ERO1A: variants seen among roughly 807,000 people sequenced by gnomAD.
The protein encoded by ERO1A is ERO1-like protein alpha.
A neutral mutation model predicts 76.9 loss-of-function variants in ERO1A; 49 were observed. The ratio of observed to expected loss-of-function variants is 0.64; its 90% confidence interval spans 0.51 to 0.81. The LOEUF is 0.81. ERO1A is among the 30% of genes least tolerant of loss of function. ERO1A has a pLI of 0.00. For missense variants in ERO1A, 448 were observed against 542.1 expected, an observed-to-expected ratio of 0.83 and a Z score of 1.72; for synonymous variants, 174 against 181.2, an observed-to-expected ratio of 0.96 and a Z score of 0.32.
rs200092223 is a variant in ERO1A, at chr14:52,671,708, A to G, written c.435-5T>C. The G allele has an allele frequency of 4.9e-4, 784 of 1,596,922 alleles. 5 individuals carry two copies. The African/African-American group carries it at 9.6e-3, about 20-fold the overall frequency. ...ACAGCCTTCTGTGTTTCCTCACTTCAAACAAAGAAAAAAAATAACATTATT... is the reference window on the plus strand; with the variant it reads ...ACAGCCTTCTGTGTTTCCTCACTTCGAACAAAGAAAAAAAATAACATTATT... On this transcript the variant is annotated splice_region_variant and splice_polypyrimidine_tract_variant and intron_variant, in intron 5 of 15. Transcript: ENST00000395686.
chr14:52,679,052 T>C (rs1394096326), intron 3 of ERO1A, among the ~76,000 whole-genome samples: 2 of 152,222 alleles, frequency 1.3e-5, no homozygotes, highest in Admixed American at 6.5e-5. Context: ...TTGCTGTCTC[T>C]TGCCATGTGA....
intron 7 of ERO1A, 117 bp from the exon 8 acceptor site, chr14:52,663,964 T>C: frequency 1.8e-6 from 1 of 570,118 alleles, no homozygotes; most frequent in South Asian, 2.5e-5. Context: ...TTTATTGAGA[T>C]TATAAAACAC....
intron 1 of ERO1A, among the ~76,000 whole-genome samples, chr14:52,690,934 AT>A (rs943602670): frequency 1.3e-5 from 2 of 151,942 alleles, no homozygotes; most frequent in Admixed American, 1.3e-4. Context: ...CGCCCAGCTA[AT>A]TTTGTATTTT....
intron 15 of ERO1A, among the ~76,000 whole-genome samples, chr14:52,645,501 T>C (rs887838347): frequency 6.7e-6 from 1 of 150,046 alleles, no homozygotes; most frequent in African/African-American, 2.4e-5. Flanking sequence ...TTGGCCAGGC[T>C]GGTCTTGAAC....
chr14:52,692,120 C>T (rs767084201), intron 1 of ERO1A, among the ~76,000 whole-genome samples: 2 of 152,202 alleles, frequency 1.3e-5, no homozygotes, highest in African/African-American at 2.4e-5. Flanking sequence ...TTAAAATATA[C>T]TCCTGTTGGC....
intron 9 of ERO1A, among the ~76,000 whole-genome samples, chr14:52,660,782 TG>T (rs2040205993): frequency 3.9e-5 from 6 of 152,208 alleles, no homozygotes; most frequent in Admixed American, 3.9e-4. Context: ...GAATAACAAA[TG>T]TCATTTCATT....
chr14:52,650,977 A>C (rs1437399694), intron 13 of ERO1A, among the ~76,000 whole-genome samples: 4 of 152,130 alleles, frequency 2.6e-5, no homozygotes, highest in Admixed American at 6.5e-5. Context: ...CCAGTGAATA[A>C]GATGAACGGC....
intron 9 of ERO1A, among the ~76,000 whole-genome samples, chr14:52,659,398 A>G (rs2040157012): frequency 6.6e-6 from 1 of 152,160 alleles, no homozygotes; most frequent in Admixed American, 6.6e-5. Context: ...TATATAGAAA[A>G]CATAAATATC....
At chr14:52,664,738 C>T (rs2040346215) in intron 7 of ERO1A, among the ~76,000 whole-genome samples, 1 of 149,116 alleles carries the variant, frequency 6.7e-6, no homozygotes, top group African/African-American at 2.4e-5. Flanking sequence ...GTCACCCAGG[C>T]TGGAGTGCAG....
In ERO1A at chr14:52,657,912, C is replaced by T. The variant is rs775136361; in HGVS notation, c.808+5G>A. 5.0e-6 allele frequency: 8 copies of T among 1,587,814 alleles called. No individual in the cohort carries two copies. Among genetic ancestry groups the T allele is most frequent in the Non-Finnish European group, 6.9e-6 (8 of 1,162,602 alleles). On this transcript the variant is annotated splice_donor_5th_base_variant and intron_variant, in intron 11 of 15. Coordinates refer to ENST00000395686, the MANE Select transcript of ERO1A (RefSeq NM_014584.3). Reference sequence around the variant, plus strand: ...GTAGACTGAATAAAAGTAAATGTCACATACCTTGTAAAAGATATCTTGCAC... The same window carrying T: ...GTAGACTGAATAAAAGTAAATGTCATATACCTTGTAAAAGATATCTTGCAC...
At chr14:52,663,726 A>G (rs1481937349) in intron 8 of ERO1A, 75 bp downstream of exon 8, 1 of 876,096 alleles carries the variant, frequency 1.1e-6, no homozygotes, top group East Asian at 2.5e-5. Flanking sequence ...ACTGTCATTT[A>G]TCTTGCCTTC....
intron 6 of ERO1A, among the ~76,000 whole-genome samples, chr14:52,670,412 G>A (rs537817243): frequency 2.6e-5 from 4 of 152,262 alleles, no homozygotes; most frequent in South Asian, 2.1e-4. Context: ...ACGGAGTCTC[G>A]CTCTGTCACC....
At chr14:52,676,479 C>T (rs1024581260) in intron 4 of ERO1A, among the ~76,000 whole-genome samples, 16 of 152,076 alleles carry the variant, frequency 1.1e-4, no homozygotes, top group Non-Finnish European at 2.2e-4. Context: ...TCCAAGAGAC[C>T]AAGAGGGGCA....
intron 9 of ERO1A, 177 bp from the exon 10 acceptor site, chr14:52,658,327 AGTTAAGTACC>A: frequency 1.8e-6 from 1 of 562,752 alleles, no homozygotes; most frequent in South Asian, 2.2e-5. Flanking sequence ...TTATGGATTC[AGTTAAGTACC>A]AGCCTGCTGC....
Position 52,653,139 on chromosome 14 carries a change from G to A in ERO1A, c.985C>T (p.Leu329Phe). ...LPFFERPDFQLFTGNKIQDEE... is the reference protein window; with the variant it reads ...LPFFERPDFQFFTGNKIQDEE... ...TCCTGAATTTTATTTCCAGTAAAGA[G>A]TTGAAAATCTGGGCGCTCGAAGAAT... Residue 329 changes from leucine (L) to phenylalanine (F), a missense_variant, in exon 12 of 16, where the codon CTC becomes TTC. Transcript: ENST00000395686. The A allele has an allele frequency of 6.2e-7, 1 of 1,610,880 alleles. No individual in the cohort carries two copies. Among genetic ancestry groups the A allele is most frequent in the Non-Finnish European group, 8.5e-7 (1 of 1,177,344 alleles).
At chr14:52,679,055 C>T (rs998182820) in intron 3 of ERO1A, among the ~76,000 whole-genome samples, 2 of 152,150 alleles carry the variant, frequency 1.3e-5, no homozygotes, top group African/African-American at 4.8e-5. Flanking sequence ...CTGTCTCTTG[C>T]CATGTGATAT....
intron 8 of ERO1A, among the ~76,000 whole-genome samples, chr14:52,663,463 T>C (rs12888882): frequency 0.41 from 62,124 of 151,354 alleles, 13,618 homozygotes; most frequent in Middle Eastern, 0.55. Context: ...TGCTGGGCGT[T>C]GTGGCGGGCG....
chr14:52,661,878 G>A (rs528722348), intron 8 of ERO1A, among the ~76,000 whole-genome samples: 17 of 150,348 alleles, frequency 1.1e-4, no homozygotes, highest in South Asian at 1.1e-3. Flanking sequence ...TAATGCCATC[G>A]GTTTATTAAA....
intron 13 of ERO1A, among the ~76,000 whole-genome samples, chr14:52,649,667 T>G (rs968214492): frequency 3.3e-5 from 5 of 151,818 alleles, no homozygotes; most frequent in African/African-American, 1.2e-4. Flanking sequence ...AAAAGGAACA[T>G]ATTGAAAATA....
Sources: gnomAD v4.1 joint callset for allele counts (sites outside exome capture counted in the v4.1 genomes callset) on GRCh38, gnomAD v4.1.1 for gene constraint, MANE v1.5 for transcripts, NCBI Gene and HGNC (gene_info 2026-07-23, HGNC 2026-07-21) for gene names.